CRB1: variants seen among roughly 807,000 people sequenced by gnomAD.
CRB1 encodes crumbs cell polarity complex component 1.
Under a neutral mutation model 120.0 loss-of-function variants are expected in CRB1, and 83 were observed. The observed-to-expected ratio is 0.69, with a 90% CI of 0.58 to 0.83. The LOEUF (loss-of-function observed/expected upper bound fraction) is 0.83. Among genes scored for constraint, CRB1 ranks in the 40% least tolerant of loss-of-function variants. The pLI, the probability that CRB1 is intolerant of heterozygous loss-of-function variation, is 0.00. For missense variants in CRB1, 1,699 were observed against 1,687.6 expected (o/e 1.01, Z -0.12); for synonymous variants, 625 against 612.5 (o/e 1.02, Z -0.30).
intron 11 of CRB1, among the ~76,000 whole-genome samples, chr1:197,456,864 G>A (rs931031169): frequency 3.9e-5 from 6 of 152,106 alleles, no homozygotes; most frequent in African/African-American, 1.4e-4. Flanking sequence ...AGGCAGTCCT[G>A]CAGGTTATAC....
At chr1:197,209,379 C>T in the CRB1 span, among the ~76,000 whole-genome samples, 1 of 152,038 alleles carries the variant, frequency 6.6e-6, no homozygotes, top group Admixed American at 6.6e-5. Context: ...GAGTCTCGCT[C>T]TGTTGCCCAG....
chr1:197,308,867 T>C (rs1387976173), intron 1 of CRB1, among the ~76,000 whole-genome samples: 1 of 151,302 alleles, frequency 6.6e-6, no homozygotes. Flanking sequence ...AATGTGTGTG[T>C]ATATATAGGA....
chr1:197,357,205 T>C (rs1286565891), intron 5 of CRB1, 192 bp downstream of exon 5: 1 of 672,558 alleles, frequency 1.5e-6, no homozygotes, highest in African/African-American at 1.8e-5. Flanking sequence ...ACGAGAGAAA[T>C]ATTAAAGAGG....
chr1:197,300,545 T>C (rs1174943129), intron 1 of CRB1, among the ~76,000 whole-genome samples: 1 of 152,058 alleles, frequency 6.6e-6, no homozygotes, highest in Non-Finnish European at 1.5e-5. Context: ...AGAAGAAAAG[T>C]TGGAAGCTAG....
the CRB1 span, among the ~76,000 whole-genome samples, chr1:197,235,599 C>A: frequency 1.3e-5 from 2 of 152,146 alleles, no homozygotes; most frequent in African/African-American, 4.8e-5. Flanking sequence ...ATTAATCAGC[C>A]ATCAGCGAAA....
chr1:197,297,526 C>T (rs1013055596), intron 1 of CRB1, among the ~76,000 whole-genome samples: 3 of 151,978 alleles, frequency 2.0e-5, no homozygotes, highest in African/African-American at 7.2e-5. Flanking sequence ...TGAAAGATGA[C>T]CAGTAGCGTT....
intron 1 of CRB1, among the ~76,000 whole-genome samples, chr1:197,273,874 A>G (rs1179022686): frequency 6.6e-6 from 1 of 151,882 alleles, no homozygotes; most frequent in Admixed American, 6.6e-5. Context: ...CCATTTCTCC[A>G]AGGAGCTCTG....
rs751269342 is a variant in CRB1 at position 197,357,087 on chromosome 1, G to A, written c.1171+74G>A. On this transcript the variant is annotated intron_variant, in intron 5 of 11. Coordinates refer to ENST00000367400, the MANE Select transcript of CRB1 (RefSeq NM_201253.3). The stretch of plus-strand genomic sequence containing the variant: ...CAGACCATGGCTTTAACCAAATGGT[G>A]TATTAGCAGGAAGAGCTGTACTGTG... The A allele has an allele frequency of 1.6e-5, 23 of 1,444,460 alleles. No homozygotes were observed. In the Admixed American group the frequency reaches 3.7e-4, roughly 23 times the overall value. 89.5% of individuals were successfully genotyped at this position (1,444,460 alleles called of 1,614,324 possible). A position where few individuals can be genotyped will look rare whatever the true frequency, so the allele number is the denominator to read the frequency against.
intron 1 of CRB1, among the ~76,000 whole-genome samples, chr1:197,288,134 C>T (rs552386548): frequency 6.6e-6 from 1 of 151,852 alleles, no homozygotes; most frequent in East Asian, 2.0e-4. Context: ...CAGAGACAGA[C>T]CAGAGATCTG....
the CRB1 span, among the ~76,000 whole-genome samples, chr1:197,259,348 A>T: frequency 2.0e-5 from 3 of 152,280 alleles, no homozygotes; most frequent in African/African-American, 7.2e-5. Context: ...CTATGCAGGC[A>T]TAAAAAGGAA....
In CRB1 at chr1:197,319,808, G is replaced by A. The variant is rs567982538; in HGVS notation, c.71-8614G>A. 2.6e-5 allele frequency among the ~76,000 whole-genome samples: 4 copies of A among 152,136 alleles called. No individual in the cohort carries two copies. In the South Asian group the frequency reaches 6.2e-4, roughly 24 times the overall value. Reference sequence around the variant, plus strand: ...GAAAAACTGGCTTCTTGTTTTTGGTGGTTACTATAGCAATAATCATGATGG... The same window carrying A: ...GAAAAACTGGCTTCTTGTTTTTGGTAGTTACTATAGCAATAATCATGATGG... On this transcript the variant is annotated intron_variant, in intron 1 of 11. Coordinates refer to ENST00000367400, the MANE Select transcript of CRB1 (RefSeq NM_201253.3).
At chr1:197,431,138 T>A (rs1201894815) in intron 8 of CRB1, among the ~76,000 whole-genome samples, 1 of 152,128 alleles carries the variant, frequency 6.6e-6, no homozygotes, top group Admixed American at 6.5e-5. Context: ...GAGGATAGTT[T>A]GGCTTAAGGT....
At chr1:197,286,009 T>C (rs952575853) in intron 1 of CRB1, among the ~76,000 whole-genome samples, 3 of 151,902 alleles carry the variant, frequency 2.0e-5, no homozygotes, top group Non-Finnish European at 4.4e-5. Flanking sequence ...TTTCCTGTGA[T>C]ACAGACTTGA....
In CRB1 at chr1:197,421,141, G is replaced by A. The variant is rs1571522690; in HGVS notation, c.1313G>A (p.Cys438Tyr). 1 of 1,614,130 alleles carries A rather than the reference G, an allele frequency of 6.2e-7. No homozygotes were observed. ...AGAACTTTTTATGGAGGAAGGGACT[G>A]TTCTGATATTCTCCTGGGCTGTACC... Reference protein sequence around the residue: ...LSRTFYGGRDCSDILLGCTHQ... With the variant: ...LSRTFYGGRDYSDILLGCTHQ... Residue 438 changes from cysteine to tyrosine, a missense_variant, in exon 6 of 12, where the codon TGT becomes TAT. Cys to Tyr is a radical substitution (Grantham distance 194). Transcript: ENST00000367400.
chr1:197,268,435 A>G lies in CRB1; in HGVS notation c.23A>G (p.Tyr8Cys). The G allele has an allele frequency of 6.2e-7, 1 of 1,612,492 alleles. No homozygotes were observed. The highest frequency in any genetic ancestry group is 8.5e-7 in the Non-Finnish European group (1 of 1,178,596). ...ACCATGGCACTTAAGAACATTAACT[A>G]CCTTCTCATCTTCTACCTCAGTTTC... MALKNINYLLIFYLSFSL... is the reference protein window; with the variant it reads MALKNINCLLIFYLSFSL... The change falls in exon 1 of 12, where the codon TAC becomes TGC. Residue 8 changes from tyrosine (Y) to cysteine (C), a missense_variant. Tyr to Cys is a radical substitution (Grantham distance 194). Transcript: ENST00000367400.
chr1:197,457,618 T>C (rs1666343779), intron 11 of CRB1, among the ~76,000 whole-genome samples: 1 of 152,146 alleles, frequency 6.6e-6, no homozygotes, highest in Non-Finnish European at 1.5e-5. Flanking sequence ...AAGGACTAAA[T>C]GAACGAATGA....
At chr1:197,299,731 G>T (rs891874659) in intron 1 of CRB1, among the ~76,000 whole-genome samples, 2 of 150,410 alleles carry the variant, frequency 1.3e-5, no homozygotes, top group Non-Finnish European at 2.9e-5. Flanking sequence ...TAAAACCTAA[G>T]TTGAACCAAA....
At chr1:197,431,314 A>G (rs1664859431) in intron 8 of CRB1, among the ~76,000 whole-genome samples, 2 of 152,154 alleles carry the variant, frequency 1.3e-5, no homozygotes, top group African/African-American at 4.8e-5. Context: ...AGAAAAACGT[A>G]TATACTTTTA....
At chr1:197,389,210 C>T (rs1332095222) in intron 5 of CRB1, among the ~76,000 whole-genome samples, 1 of 152,086 alleles carries the variant, frequency 6.6e-6, no homozygotes, top group African/African-American at 2.4e-5. Context: ...GCTGGATACA[C>T]ACCTTAAAGA....
Sources: gnomAD v4.1 joint callset for allele counts (sites outside exome capture counted in the v4.1 genomes callset) on GRCh38, gnomAD v4.1.1 for gene constraint, MANE v1.5 for transcripts, NCBI Gene and HGNC (gene_info 2026-07-23, HGNC 2026-07-21) for gene names.